ZNF384: variants seen among roughly 807,000 people sequenced by gnomAD.
ZNF384 encodes the protein zinc finger protein 384.
In ZNF384, 20 loss-of-function variants were observed where a neutral mutation model predicts 65.0. The ratio of observed to expected loss-of-function variants is 0.31; its 90% confidence interval spans 0.22 to 0.45. The LOEUF (loss-of-function observed/expected upper bound fraction) is 0.45, where lower values mean the gene tolerates loss of function less well. Among genes scored for constraint, ZNF384 ranks in the 20% least tolerant of loss-of-function variants. The pLI, the probability that ZNF384 is intolerant of heterozygous loss-of-function variation, is 1.00. For missense variants in ZNF384, 549 were observed against 769.4 expected (o/e 0.71, Z 3.39); for synonymous variants, 310 against 303.9 (o/e 1.02, Z -0.21).
At chr12:6,684,912 C>G (rs1339483983) in intron 2 of ZNF384, among the ~76,000 whole-genome samples, 1 of 152,170 alleles carries the variant, frequency 6.6e-6, no homozygotes, top group Admixed American at 6.5e-5. Flanking sequence ...TTACCGCTTA[C>G]TCTATCTTTC....
chr12:6,671,911 G>T (rs2086319743), intron 9 of ZNF384: 1 of 158,892 alleles, frequency 6.3e-6, no homozygotes, highest in African/African-American at 2.4e-5. Flanking sequence ...GGTGTCACCA[G>T]GCTGGTGCCC....
intron 9 of ZNF384, chr12:6,671,347 T>C (rs1304800705): frequency 6.5e-6 from 1 of 154,568 alleles, no homozygotes; most frequent in Non-Finnish European, 1.4e-5. Context: ...GAAAACTAAG[T>C]GCTTTTTGCA....
intron 7 of ZNF384, among the ~76,000 whole-genome samples, chr12:6,674,313 C>A (rs1484366708): frequency 6.6e-6 from 1 of 152,200 alleles, no homozygotes; most frequent in Non-Finnish European, 1.5e-5. Flanking sequence ...GTATTGTCCA[C>A]CAAATATCAA....
chr12:6,671,586 ACTC>A (rs1327655800), intron 9 of ZNF384: 21 of 152,090 alleles, frequency 1.4e-4, no homozygotes, highest in African/African-American at 5.1e-4. Flanking sequence ...GGAAAGCCTG[ACTC>A]CTCCTCTTCT....
chr12:6,682,968 G>C (rs1956608201), intron 2 of ZNF384, among the ~76,000 whole-genome samples: 1 of 152,146 alleles, frequency 6.6e-6, no homozygotes, highest in South Asian at 2.1e-4. Flanking sequence ...GATAAGAGTG[G>C]TGATAAATGG....
At position 6,672,401 on chromosome 12, in the gene ZNF384, G is replaced by A; in HGVS notation, c.1136C>T (p.Ser379Phe). 1 of 1,614,106 alleles carries A rather than the reference G, an allele frequency of 6.2e-7. No individual in the cohort carries two copies. Among genetic ancestry groups the A allele is most frequent in the Non-Finnish European group, 8.5e-7 (1 of 1,179,936 alleles). ...CTGGCGGAAGGCCTTCTGGCAGTAG[G>A]AACAGTTGTAGGGCTTGGCCCCCGA... is the stretch of plus-strand genomic sequence containing the variant. ...IHSGAKPYNCSYCQKAFRQLS... is the reference protein window; with the variant it reads ...IHSGAKPYNCFYCQKAFRQLS... The change falls in exon 9 of 12, where the codon TCC becomes TTC. Residue 379 changes from serine to phenylalanine, a missense_variant. Around this residue, in one of 5 missense-constraint regions of ZNF384, gnomAD observed 59 missense variants for 63.6 expected, o/e 0.93. Transcript: ENST00000683879. The surrounding 1 kb of genome is among the most constrained non-coding windows in gnomAD (Gnocchi z 4.4).
Position 6,672,161 on chromosome 12 carries a change from C to T in ZNF384, c.1187+189G>A, listed in dbSNP as rs1233824120. The T allele has an allele frequency of 3.3e-6, 2 of 609,380 alleles. No homozygotes were observed. Among genetic ancestry groups the T allele is most frequent in the African/African-American group, 3.7e-5 (2 of 54,112 alleles). 37.7% of individuals were successfully genotyped at this position (609,380 alleles called of 1,614,324 possible). A position where few individuals can be genotyped will look rare whatever the true frequency, so the allele number is the denominator to read the frequency against. On this transcript the variant is annotated intron_variant, in intron 9 of 11. Coordinates refer to ENST00000683879, the MANE Select transcript of ZNF384 (RefSeq NM_001385745.1). The surrounding 1 kb of genome is among the most constrained non-coding windows in gnomAD (Gnocchi z 4.4). ...CAGCTCCCCGACGTAGCTCTTGCCC[C>T]AGAGAAGCTCTGTGTCCACTTGAAT...
intron 9 of ZNF384, chr12:6,671,319 A>G (rs1223168041): frequency 6.4e-6 from 1 of 155,420 alleles, no homozygotes; most frequent in Non-Finnish European, 1.4e-5. Context: ...AGTAGTAGTG[A>G]TATTAATGGA....
At chr12:6,684,555 T>A (rs1258701047) in intron 2 of ZNF384, among the ~76,000 whole-genome samples, 1 of 152,160 alleles carries the variant, frequency 6.6e-6, no homozygotes, top group African/African-American at 2.4e-5. Context: ...CTCCACTTAC[T>A]TGGATGCCTA....
At chr12:6,671,836 A>T (rs1269821726) in intron 9 of ZNF384, 1 of 153,444 alleles carries the variant, frequency 6.5e-6, no homozygotes. Flanking sequence ...CTCTCTGAAC[A>T]TTTAGTACGT....
In ZNF384 at chr12:6,667,620, G is replaced by A. The variant is rs771237731; in HGVS notation, c.*94C>T. On this transcript the variant is annotated 3_prime_UTR_variant, in exon 12 of 12. Coordinates refer to ENST00000683879, the MANE Select transcript of ZNF384 (RefSeq NM_001385745.1). ...GCCCAAGGAGATGGAGCCAAGGCCT[G>A]TCAAGGAAGAAAAGGACTTTTCCCA... 1 of 1,552,508 alleles carries A rather than the reference G, an allele frequency of 6.4e-7. No individual in the cohort carries two copies. Among genetic ancestry groups the A allele is most frequent in the South Asian group, 1.1e-5 (1 of 89,330 alleles).
At chr12:6,674,984 A>C (rs1952949429) in intron 7 of ZNF384, among the ~76,000 whole-genome samples, 1 of 152,238 alleles carries the variant, frequency 6.6e-6, no homozygotes, top group African/African-American at 2.4e-5. Context: ...TTGATGCTAC[A>C]ATTTCTCAGA....
Position 6,666,554 on chromosome 12 carries a change from C to A in ZNF384, c.*1160G>T, listed in dbSNP as rs1949817388. ...TGTACATAAGTTTTTTTCTTTTTTT[C>A]TTCATTTTTAAATTACTTTATAACA... On this transcript the variant is annotated 3_prime_UTR_variant, in exon 12 of 12. Transcript: ENST00000683879. 1 of 155,090 alleles carries A rather than the reference C, an allele frequency of 6.4e-6. No individual in the cohort carries two copies. The highest frequency in any genetic ancestry group is 2.6e-5 in the African/African-American group (1 of 38,988). The allele number at this position is 155,090 out of a possible 1,614,324, so 9.6% of individuals were successfully genotyped here.
In ZNF384 at chr12:6,672,341, C is replaced by G. The variant is rs758793197; in HGVS notation, c.1187+9G>C. 6.2e-7 allele frequency: 1 copy of G among 1,612,014 alleles called. No individual in the cohort carries two copies. Among genetic ancestry groups the G allele is most frequent in the Admixed American group, 1.7e-5 (1 of 59,926 alleles). ...GGGGCGGGGTCAGTAGCCCGCCACT[C>G]TCCCTTACCGTGTGTGCTGCTGGAG... On this transcript the variant is annotated intron_variant, in intron 9 of 11. Coordinates refer to ENST00000683879, the MANE Select transcript of ZNF384 (RefSeq NM_001385745.1). The surrounding 1 kb of genome is among the most constrained non-coding windows in gnomAD (Gnocchi z 4.4).
chr12:6,687,422 C>T (rs572491499), intron 2 of ZNF384, among the ~76,000 whole-genome samples: 2 of 152,198 alleles, frequency 1.3e-5, no homozygotes, highest in South Asian at 4.1e-4. Context: ...ATAAATAAGA[C>T]TGGAGAAGAA....
intron 2 of ZNF384, among the ~76,000 whole-genome samples, chr12:6,681,742 T>C (rs980812212): frequency 6.6e-6 from 1 of 152,202 alleles, no homozygotes; most frequent in Non-Finnish European, 1.5e-5. Flanking sequence ...AACATCACTT[T>C]TTTTGTTCTA....
chr12:6,678,165 C>A lies in ZNF384; in HGVS notation c.648G>T (p.Glu216Asp), dbSNP rs1954464161. 6.2e-7 allele frequency: 1 copy of A among 1,613,952 alleles called. No homozygotes were observed. The highest frequency in any genetic ancestry group is 1.3e-5 in the African/African-American group (1 of 74,914). Residue 216 changes from glutamate to aspartate, a missense_variant, in exon 6 of 12, where the codon GAG (glutamate) becomes GAT (aspartate). Physicochemically the swap from Glu to Asp is conservative, Grantham distance 45. Coordinates refer to ENST00000683879, the MANE Select transcript of ZNF384 (RefSeq NM_001385745.1). The surrounding 1 kb of genome is among the most constrained non-coding windows in gnomAD (Gnocchi z 4.9). Reference sequence around the variant, plus strand: ...CGTCTTTCTGATGGTCATCATCATCCTCAGGGGAGAGGACATAAGGGTCAT... The same window carrying A: ...CGTCTTTCTGATGGTCATCATCATCATCAGGGGAGAGGACATAAGGGTCAT... ...EMNDPYVLSP[E>D]DDDDHQKDGK... is the part of the protein sequence containing the mutation.
chr12:6,676,987 A>G (rs1000205501), intron 7 of ZNF384, among the ~76,000 whole-genome samples, 180 bp downstream of exon 7: 3 of 152,238 alleles, frequency 2.0e-5, no homozygotes, highest in African/African-American at 7.2e-5. Flanking sequence ...TCTCCATAGT[A>G]GAACTATACA....
intron 11 of ZNF384, 106 bp from the exon 12 acceptor site, chr12:6,668,221 A>C: frequency 1.6e-6 from 2 of 1,213,248 alleles, no homozygotes; most frequent in Non-Finnish European, 2.3e-6. Context: ...AGTAAGCTTT[A>C]TACTGGTTTT....
Sources: allele counts gnomAD v4.1 joint callset (sites outside exome capture counted in the v4.1 genomes callset), GRCh38; gene constraint gnomAD v4.1.1; regional missense constraint gnomAD v4.1.1; non-coding constraint Gnocchi (gnomAD v3.1); transcripts MANE v1.5; gene names NCBI Gene and HGNC (gene_info 2026-07-23, HGNC 2026-07-21).